The following FBLN7 variants were observed in gnomAD, a reference collection of about 807,000 sequenced individuals.
The protein encoded by FBLN7 is fibulin-7.
FBLN7 carries 31 observed loss-of-function variants against 44.0 expected under a neutral mutation model. That is an observed-to-expected ratio of 0.70 (90% CI 0.53 to 0.95). The LOEUF is 0.95. Among genes scored for constraint, FBLN7 ranks in the 40% least tolerant of loss-of-function variants. The probability of loss-of-function intolerance (pLI) is 0.00; values close to 1 mark genes in which losing one functional copy is unlikely to be tolerated. For synonymous variants in FBLN7, 262 were observed against 253.4 expected (o/e 1.03, Z -0.32); for missense variants, 573 against 618.5 (o/e 0.93, Z 0.78).
chr2:112,176,013 G>A, intron 4 of FBLN7, 174 bp downstream of exon 4: 1 of 737,468 alleles, frequency 1.4e-6, no homozygotes, highest in Non-Finnish European at 2.0e-6. Context: ...GTGGTCACTT[G>A]ACAGAGCTTA....
chr2:112,140,729 A>C (rs1558865774), intron 1 of FBLN7, among the ~76,000 whole-genome samples: 1 of 152,154 alleles, frequency 6.6e-6, no homozygotes, highest in Non-Finnish European at 1.5e-5. Context: ...TTCCAACCGA[A>C]GTATCAGAAC....
the FBLN7 span, chr2:112,238,364 A>G: frequency 6.2e-5 from 100 of 1,613,712 alleles, no homozygotes; most frequent in African/African-American, 1.2e-3. Flanking sequence ...CTTCAGGTTG[A>G]GCAGCATTTG....
chr2:112,191,675 AT>A (rs1487947601), downstream of FBLN7, among the ~76,000 whole-genome samples: 2 of 152,172 alleles, frequency 1.3e-5, no homozygotes, highest in Non-Finnish European at 2.9e-5. Flanking sequence ...TGTCCTCAGC[AT>A]TTATGCGATT....
intron 4 of FBLN7, among the ~76,000 whole-genome samples, chr2:112,180,598 C>T (rs546365624): frequency 2.0e-5 from 3 of 152,268 alleles, no homozygotes; most frequent in East Asian, 3.9e-4. Context: ...AACCTAAATG[C>T]TCGTCAATAA....
At chr2:112,208,227 CCT>C in the FBLN7 span, among the ~76,000 whole-genome samples, 15 of 152,180 alleles carry the variant, frequency 9.9e-5, no homozygotes, top group Middle Eastern at 6.8e-3. Context: ...TGGTGAAACC[CCT>C]GTCTCTACTA....
chr2:112,174,083 G>T (rs1474913437), intron 3 of FBLN7, among the ~76,000 whole-genome samples: 1 of 152,256 alleles, frequency 6.6e-6, no homozygotes, highest in African/African-American at 2.4e-5. Flanking sequence ...CAAGCTACAA[G>T]ATACTGGTGT....
downstream of FBLN7, among the ~76,000 whole-genome samples, chr2:112,192,394 G>C (rs543984954): frequency 1.5e-3 from 230 of 152,248 alleles, 2 homozygotes; most frequent in African/African-American, 5.2e-3. Context: ...AGGACAGAGA[G>C]GCCTGAGTGG....
the FBLN7 span, among the ~76,000 whole-genome samples, chr2:112,235,719 C>T: frequency 1.3e-5 from 2 of 152,046 alleles, no homozygotes; most frequent in South Asian, 2.1e-4. Context: ...GGAAAGGGAA[C>T]TTCTAAAAAC....
chr2:112,164,960 C>G (rs779719303), intron 2 of FBLN7, 41 bp from the exon 3 acceptor site: 12 of 1,601,032 alleles, frequency 7.5e-6, no homozygotes, highest in Non-Finnish European at 1.0e-5. Context: ...GGGCTGTGGT[C>G]CAGGATGAGG....
the FBLN7 span, among the ~76,000 whole-genome samples, chr2:112,216,859 AAG>A: frequency 6.6e-6 from 1 of 152,138 alleles, no homozygotes; most frequent in East Asian, 1.9e-4. Flanking sequence ...GAGATGAAGA[AAG>A]AAAAATTTAA....
chr2:112,183,204 C>T (rs1042804854), intron 6 of FBLN7, among the ~76,000 whole-genome samples: 2 of 152,210 alleles, frequency 1.3e-5, no homozygotes, highest in African/African-American at 2.4e-5. Context: ...CTGGTCAATT[C>T]TACCCACTCA....
At chr2:112,231,780 A>C in the FBLN7 span, 6 of 1,057,676 alleles carry the variant, frequency 5.7e-6, no homozygotes, top group Admixed American at 9.7e-5. Flanking sequence ...TCTCATCCTT[A>C]GTTCAAACAT....
intron 1 of FBLN7, 45 bp downstream of exon 1, chr2:112,138,775 CTCTCTCCA>C (rs1680479008): frequency 6.6e-7 from 1 of 1,505,358 alleles, no homozygotes; most frequent in Admixed American, 2.0e-5. Context: ...TCCCTCCCGC[CTCTCTCCA>C]GGCCAGTGTC....
the FBLN7 span, among the ~76,000 whole-genome samples, chr2:112,207,996 A>T: frequency 3.9e-5 from 6 of 152,262 alleles, no homozygotes; most frequent in Non-Finnish European, 8.8e-5. Context: ...TGCAAGCCAT[A>T]CATCCTGTGT....
intron 2 of FBLN7, among the ~76,000 whole-genome samples, chr2:112,161,652 C>T (rs541735443): frequency 6.6e-6 from 1 of 152,300 alleles, no homozygotes; most frequent in South Asian, 2.1e-4. Context: ...TTATACAATT[C>T]CCCTGCCCAT....
chr2:112,223,182 C>T, the FBLN7 span, among the ~76,000 whole-genome samples: 1 of 151,744 alleles, frequency 6.6e-6, no homozygotes, highest in South Asian at 2.1e-4. Context: ...AGGTGCAGCA[C>T]ACCAACATGG....
chr2:112,239,579 C>CTTTT, the FBLN7 span, among the ~76,000 whole-genome samples: 1,524 of 86,192 alleles, frequency 0.018, 22 homozygotes, highest in Non-Finnish European at 0.023. Context: ...TAACAGTTTA[C>CTTTT]TTTTTTTTTT....
chr2:112,153,123 A>G (rs904981656), intron 1 of FBLN7: 1 of 152,160 alleles, frequency 6.6e-6, no homozygotes, highest in Admixed American at 6.5e-5. Flanking sequence ...CTCTGGCATG[A>G]AGAGTAGTCG....
the FBLN7 span, chr2:112,216,154 G>A: frequency 2.6e-5 from 4 of 152,098 alleles, no homozygotes; most frequent in Non-Finnish European, 4.4e-5. Context: ...CCTTGCTTCC[G>A]ATTTTATTAA....
Sources: allele counts gnomAD v4.1 joint callset (sites outside exome capture counted in the v4.1 genomes callset), GRCh38; gene constraint gnomAD v4.1.1; transcripts MANE v1.5; gene names NCBI Gene and HGNC (gene_info 2026-07-23, HGNC 2026-07-21).